The following COL13A1 variants were observed in gnomAD, a reference collection of about 807,000 sequenced individuals.
The protein encoded by COL13A1 is collagen type XIII alpha 1 chain.
COL13A1 carries 89 observed loss-of-function variants against 130.9 expected under a neutral mutation model. The ratio of observed to expected loss-of-function variants is 0.68; its 90% CI spans 0.57 to 0.81. COL13A1 has a LOEUF of 0.81. Among genes scored for constraint, COL13A1 ranks in the 30% least tolerant of loss-of-function variants. The probability of loss-of-function intolerance (pLI) is 0.00; values close to 1 mark genes in which losing one functional copy is unlikely to be tolerated. For synonymous variants in COL13A1, 402 were observed against 341.6 expected (o/e 1.18, Z -1.95); for missense variants, 879 against 934.6 (o/e 0.94, Z 0.78).
intron 14 of COL13A1, among the ~76,000 whole-genome samples, chr10:69,900,397 C>G (rs931988824): frequency 1.3e-5 from 2 of 152,214 alleles, no homozygotes; most frequent in Non-Finnish European, 2.9e-5. Flanking sequence ...AGGATTCCAT[C>G]CAGGCCACTG....
chr10:69,881,403 G>T (rs531350932), intron 7 of COL13A1, among the ~76,000 whole-genome samples: 2 of 152,178 alleles, frequency 1.3e-5, no homozygotes, highest in African/African-American at 4.8e-5. Context: ...TTCCTGACCC[G>T]CCGTGCTCAG....
chr10:69,939,930 C>G (rs2067407736), intron 34 of COL13A1, among the ~76,000 whole-genome samples: 1 of 152,204 alleles, frequency 6.6e-6, no homozygotes, highest in Non-Finnish European at 1.5e-5. Context: ...TCGTTGCCTC[C>G]TTCTTGGGAC....
Position 69,802,676 on chromosome 10 carries a change from G to C in COL13A1, c.253G>C (p.Glu85Gln). The C allele has an allele frequency of 1.9e-6, 3 of 1,613,500 alleles. No individual in the cohort carries two copies. The highest frequency in any genetic ancestry group is 2.5e-6 in the Non-Finnish European group (3 of 1,179,612). Residue 85 changes from glutamate (E) to glutamine (Q), a missense_variant, in exon 1 of 41, where the codon GAG becomes CAG. Physicochemically the swap from Glu to Gln is conservative, Grantham distance 29. Around this residue, in one of 3 missense-constraint regions of COL13A1, gnomAD observed 715 missense variants for 721.0 expected, o/e 0.99. Coordinates refer to ENST00000645393, the MANE Select transcript of COL13A1 (RefSeq NM_001368882.1). The stretch of plus-strand genomic sequence containing the variant: ...AGCGGAGCGCGGGGAGCAGCAAATG[G>C]AGACGGCTATTTTGGGACGAGTCAA... ...LEAERGEQQM[E>Q]TAILGRVNQL...
At chr10:69,817,074 C>G (rs961319078) in intron 1 of COL13A1, among the ~76,000 whole-genome samples, 2 of 152,210 alleles carry the variant, frequency 1.3e-5, no homozygotes, top group African/African-American at 2.4e-5. Flanking sequence ...TATGGGAGCA[C>G]AGCCACACTG....
In COL13A1 at chr10:69,871,084, G is replaced by A. The variant is rs1233232687; in HGVS notation, c.373-1100G>A. On this transcript the variant is annotated intron_variant, in intron 3 of 40. Transcript: ENST00000645393. ...GGTTGGACCCTCCTCACCCTGGCGC[G>A]TTCCCTTCCCTGGGATGGGAGGTCA... 2.6e-5 allele frequency among the ~76,000 whole-genome samples: 4 copies of A among 152,028 alleles called. No homozygotes were observed. The South Asian group carries it at 8.3e-4, about 32-fold the overall frequency.
At chr10:69,895,454 CAT>C (rs141359979) in intron 12 of COL13A1, 94 bp from the exon 13 acceptor site, 45,279 of 1,324,310 alleles carry the variant, frequency 0.034, 1,039 homozygotes, top group South Asian at 0.084. Flanking sequence ...TGAGCGGTGA[CAT>C]GTGTGGCATG....
At chr10:69,880,033 C>T (rs1042492163) in intron 6 of COL13A1, among the ~76,000 whole-genome samples, 9 of 152,060 alleles carry the variant, frequency 5.9e-5, no homozygotes, top group African/African-American at 1.4e-4. Flanking sequence ...TGGGTATTTG[C>T]GGAGGGGGAG....
intron 13 of COL13A1, among the ~76,000 whole-genome samples, chr10:69,895,859 G>A (rs994506957): frequency 5.9e-5 from 9 of 152,182 alleles, no homozygotes; most frequent in African/African-American, 1.2e-4. Context: ...GACTCGGTAT[G>A]TTGGAGTCTC....
At chr10:69,895,451 T>C in intron 12 of COL13A1, 99 bp from the exon 13 acceptor site, 4 of 1,276,374 alleles carry the variant, frequency 3.1e-6, no homozygotes, top group Non-Finnish European at 4.6e-6. Context: ...TGGTGAGCGG[T>C]GACATGTGTG....
chr10:69,827,595 G>T (rs1302384026), intron 2 of COL13A1, among the ~76,000 whole-genome samples: 1 of 152,186 alleles, frequency 6.6e-6, no homozygotes, highest in Non-Finnish European at 1.5e-5. Context: ...GGCTGGCCTG[G>T]AGGGGAGAGC....
rs375905735 is a variant in COL13A1, at chr10:69,872,293, G to C, written c.399+83G>C. 3.5e-5 allele frequency: 53 copies of C among 1,528,062 alleles called. No homozygotes were observed. The African/African-American group carries it at 7.1e-4, about 20-fold the overall frequency. The allele number at this position is 1,528,062 out of a possible 1,614,324, so 94.7% of individuals were successfully genotyped here. On this transcript the variant is annotated intron_variant, in intron 4 of 40. Transcript: ENST00000645393. ...TGAGGACTGGCTAGGTTGGGTGGCT[G>C]GTTTTTCTCCAGGTGTATCTGGGTG...
intron 13 of COL13A1, chr10:69,897,531 G>A (rs2061768821): frequency 1.2e-6 from 2 of 1,613,798 alleles, no homozygotes; most frequent in Non-Finnish European, 1.7e-6. Flanking sequence ...TTGCCCTGAA[G>A]GTTTGTAGGT....
intron 2 of COL13A1, among the ~76,000 whole-genome samples, chr10:69,866,526 G>C (rs1316897257): frequency 1.3e-5 from 2 of 152,158 alleles, no homozygotes. Flanking sequence ...CAGATTCTGG[G>C]TGACATTCCT....
chr10:69,834,819 T>C (rs796193563), intron 2 of COL13A1, among the ~76,000 whole-genome samples: 30 of 152,204 alleles, frequency 2.0e-4, no homozygotes, highest in African/African-American at 6.7e-4. Flanking sequence ...CTCATGGAAA[T>C]GCTGAGGGCC....
At chr10:69,893,833 C>G (rs773726311) in intron 10 of COL13A1, among the ~76,000 whole-genome samples, 4 of 152,176 alleles carry the variant, frequency 2.6e-5, no homozygotes, top group Non-Finnish European at 4.4e-5. Context: ...GAAGAGCCAG[C>G]CTCAGGGTGG....
intron 38 of COL13A1, among the ~76,000 whole-genome samples, chr10:69,951,198 C>T (rs1040386389): frequency 6.6e-6 from 1 of 152,090 alleles, no homozygotes; most frequent in African/African-American, 2.4e-5. Flanking sequence ...TACCCTGCAG[C>T]CTTCCACTGC....
At chr10:69,870,959 T>C (rs369102611) in intron 3 of COL13A1, among the ~76,000 whole-genome samples, 1 of 152,152 alleles carries the variant, frequency 6.6e-6, no homozygotes, top group African/African-American at 2.4e-5. Context: ...TTCCCTCATG[T>C]GTCCTCGTAA....
At chr10:69,843,323 C>T (rs1463791470) in intron 2 of COL13A1, among the ~76,000 whole-genome samples, 2 of 152,174 alleles carry the variant, frequency 1.3e-5, no homozygotes, top group Non-Finnish European at 2.9e-5. Flanking sequence ...GTTTCAGATC[C>T]TGGCAACCAT....
intron 38 of COL13A1, among the ~76,000 whole-genome samples, chr10:69,949,502 C>T (rs1342784182): frequency 1.3e-5 from 2 of 152,186 alleles, no homozygotes; most frequent in African/African-American, 4.8e-5. Flanking sequence ...TTTTATCTTA[C>T]AGTGAACCAA....
Sources: gnomAD v4.1 joint callset for allele counts (sites outside exome capture counted in the v4.1 genomes callset) on GRCh38, gnomAD v4.1.1 for gene constraint, gnomAD v4.1.1 regional missense constraint, MANE v1.5 for transcripts, NCBI Gene and HGNC (gene_info 2026-07-23, HGNC 2026-07-21) for gene names.